The following KCNMB4 variants were observed in gnomAD, a reference collection of about 807,000 sequenced individuals.
KCNMB4 encodes the protein potassium calcium-activated channel subfamily M regulatory beta subunit 4, also known as calcium-activated potassium channel subunit beta-4.
Under a neutral mutation model 20.7 loss-of-function variants are expected in KCNMB4, and 3 were observed. The ratio of observed to expected loss-of-function variants is 0.14; its 90% confidence interval spans 0.07 to 0.37. KCNMB4 has a LOEUF of 0.37. KCNMB4 is among the 10% of genes least tolerant of loss of function. The pLI is 1.00. For synonymous variants in KCNMB4, 110 were observed against 113.4 expected (o/e 0.97, Z 0.19); for missense variants, 168 against 265.9 (o/e 0.63, Z 2.56).
chr12:70,392,727 C>G (rs1187992190), intron 1 of KCNMB4, among the ~76,000 whole-genome samples: 1 of 152,090 alleles, frequency 6.6e-6, no homozygotes, highest in African/African-American at 2.4e-5. Context: ...CAAACTAACA[C>G]AGGAACAGAA....
Position 70,366,963 on chromosome 12 carries a change from A to T in KCNMB4, c.229A>T (p.Arg77Trp). ...ECTFTCGADC[R>W]GTSQYPCVQV... Reference sequence around the variant, plus strand: ...CACCTTCACCTGTGGCGCCGACTGCAGGGGCACCTCGCAGTACCCCTGCGT... The same window carrying T: ...CACCTTCACCTGTGGCGCCGACTGCTGGGGCACCTCGCAGTACCCCTGCGT... Residue 77 changes from arginine (R) to tryptophan (W), a missense_variant, in exon 1 of 3, where the codon AGG becomes TGG. Coordinates refer to ENST00000258111, the MANE Select transcript of KCNMB4 (RefSeq NM_014505.6). The T allele has an allele frequency of 6.2e-7, 1 of 1,609,864 alleles. No homozygotes were observed. The highest frequency in any genetic ancestry group is 8.5e-7 in the Non-Finnish European group (1 of 1,178,132).
chr12:70,420,834 G>A lies in KCNMB4; in HGVS notation c.465-9651G>A, dbSNP rs564440390. ...AGCACTTTGGGAGGCCGAGGCGGGC[G>A]GATCATGAGGTCAAGAGATCGAGAC... On this transcript the variant is annotated intron_variant, in intron 2 of 2. Transcript: ENST00000258111. Among the ~76,000 whole-genome samples, 24 of 152,192 alleles carry A rather than the reference G, an allele frequency of 1.6e-4. No homozygotes were observed. The South Asian group carries it at 4.6e-3, about 29-fold the overall frequency.
intron 1 of KCNMB4, among the ~76,000 whole-genome samples, chr12:70,370,743 A>G (rs1161794119): frequency 6.7e-6 from 1 of 148,892 alleles, no homozygotes; most frequent in African/African-American, 2.5e-5. Flanking sequence ...AGACATTTGC[A>G]TTTGCATAAT....
At chr12:70,370,193 C>T (rs1161186891) in intron 1 of KCNMB4, among the ~76,000 whole-genome samples, 2 of 152,102 alleles carry the variant, frequency 1.3e-5, no homozygotes, top group Non-Finnish European at 2.9e-5. Context: ...AAAATGTTCT[C>T]ATCTGCTGTG....
At chr12:70,404,388 A>G (rs930769555) in intron 2 of KCNMB4, among the ~76,000 whole-genome samples, 3 of 152,156 alleles carry the variant, frequency 2.0e-5, no homozygotes, top group Non-Finnish European at 4.4e-5. Context: ...ACATTTTTGA[A>G]TGGTTACTGT....
chr12:70,369,367 G>A (rs1311437505), intron 1 of KCNMB4, among the ~76,000 whole-genome samples: 1 of 152,214 alleles, frequency 6.6e-6, no homozygotes, highest in Non-Finnish European at 1.5e-5. Context: ...CATAAGCAGA[G>A]TGTTTCCACA....
chr12:70,424,220 C>G (rs987132711), intron 2 of KCNMB4, among the ~76,000 whole-genome samples: 3 of 152,174 alleles, frequency 2.0e-5, no homozygotes, highest in Non-Finnish European at 4.4e-5. Flanking sequence ...CCTCAAATCT[C>G]AGAAGCTACT....
chr12:70,418,195 C>T (rs1868960323), intron 2 of KCNMB4, among the ~76,000 whole-genome samples: 1 of 152,048 alleles, frequency 6.6e-6, no homozygotes, highest in Non-Finnish European at 1.5e-5. Flanking sequence ...TTACAGACAC[C>T]CAATGGAATC....
chr12:70,430,705 C>T lies in KCNMB4; in HGVS notation c.*52C>T, dbSNP rs1869342881. 6.1e-6 allele frequency: 9 copies of T among 1,487,378 alleles called. No individual in the cohort carries two copies. Among genetic ancestry groups the T allele is most frequent in the South Asian group, 4.1e-5 (3 of 72,292 alleles). The allele number at this position is 1,487,378 out of a possible 1,614,324, so 92.1% of individuals were successfully genotyped here. On this transcript the variant is annotated 3_prime_UTR_variant, in exon 3 of 3. Transcript: ENST00000258111. ...AGTACAGAAGCTGTACTCATCGGCA[C>T]GCGTCCACCTGCGGAACCTGTGTTT...
At chr12:70,374,723 A>G (rs1274224467) in intron 1 of KCNMB4, among the ~76,000 whole-genome samples, 1 of 152,154 alleles carries the variant, frequency 6.6e-6, no homozygotes, top group African/African-American at 2.4e-5. Context: ...GTCTCTTTAT[A>G]CTGAAGCACA....
chr12:70,386,636 A>G (rs1372099646), intron 1 of KCNMB4, among the ~76,000 whole-genome samples: 1 of 148,750 alleles, frequency 6.7e-6, no homozygotes, highest in Admixed American at 6.8e-5. Flanking sequence ...AGGTGCTTTC[A>G]TGAACTCTCA....
chr12:70,366,384 G>C lies in KCNMB4; in HGVS notation c.-351G>C, dbSNP rs1883488286. 1 of 152,196 alleles carries C rather than the reference G, an allele frequency of 6.6e-6. No homozygotes were observed. The highest frequency in any genetic ancestry group is 2.1e-4 in the South Asian group (1 of 4,828). The allele number at this position is 152,196 out of a possible 1,614,324, so 9.4% of individuals were successfully genotyped here. ...GAGAGACACCCGACGAGAGGAGGCG[G>C]GGTGGGGGAGGCGGGGAGAGTGCGG... On this transcript the variant is annotated 5_prime_UTR_variant, in exon 1 of 3. Coordinates refer to ENST00000258111, the MANE Select transcript of KCNMB4 (RefSeq NM_014505.6).
intron 2 of KCNMB4, among the ~76,000 whole-genome samples, chr12:70,405,149 G>C (rs1044371452): frequency 1.3e-5 from 2 of 152,134 alleles, no homozygotes; most frequent in African/African-American, 4.8e-5. Context: ...GTTTGCCATG[G>C]ACTACATCAT....
intron 2 of KCNMB4, among the ~76,000 whole-genome samples, chr12:70,425,200 G>A (rs1869177416): frequency 6.6e-6 from 1 of 152,108 alleles, no homozygotes; most frequent in Non-Finnish European, 1.5e-5. Flanking sequence ...ACTTAGAGAG[G>A]CCGAGGTGGG....
At chr12:70,394,181 T>G (rs939858130) in intron 1 of KCNMB4, among the ~76,000 whole-genome samples, 11 of 152,218 alleles carry the variant, frequency 7.2e-5, no homozygotes, top group African/African-American at 2.4e-4. Context: ...AAGAATAGTT[T>G]ATTGCATAAA....
At chr12:70,396,581 C>T (rs1868353387) in intron 1 of KCNMB4, among the ~76,000 whole-genome samples, 1 of 152,218 alleles carries the variant, frequency 6.6e-6, no homozygotes, top group Non-Finnish European at 1.5e-5. Context: ...GTTGGAATTA[C>T]AGGCGTGAGC....
chr12:70,379,254 G>C (rs926129133), intron 1 of KCNMB4, among the ~76,000 whole-genome samples: 1 of 152,128 alleles, frequency 6.6e-6, no homozygotes, highest in Non-Finnish European at 1.5e-5. Context: ...TTGAAACTTT[G>C]AAGCCTGGAC....
chr12:70,378,314 TC>T (rs1198485166), intron 1 of KCNMB4, among the ~76,000 whole-genome samples: 1 of 152,178 alleles, frequency 6.6e-6, no homozygotes, highest in Non-Finnish European at 1.5e-5. Flanking sequence ...GTAGTTACTT[TC>T]TCCATTGATG....
chr12:70,392,575 C>A (rs1055109806), intron 1 of KCNMB4, among the ~76,000 whole-genome samples: 3 of 152,114 alleles, frequency 2.0e-5, no homozygotes, highest in Non-Finnish European at 2.9e-5. Flanking sequence ...AAACTTGGAA[C>A]CAACCTAAAT....
Sources: gnomAD v4.1 joint callset for allele counts (sites outside exome capture counted in the v4.1 genomes callset) on GRCh38, gnomAD v4.1.1 for gene constraint, MANE v1.5 for transcripts, NCBI Gene and HGNC (gene_info 2026-07-23, HGNC 2026-07-21) for gene names.